Variants in MYO6 observed in about 807,000 individuals in gnomAD.
The protein encoded by MYO6 is myosin VI, also known as unconventional myosin-VI.
In MYO6, 74 loss-of-function variants were observed where a neutral mutation model predicts 178.7. The ratio of observed to expected loss-of-function variants is 0.41; its 90% CI spans 0.34 to 0.50. The LOEUF (loss-of-function observed/expected upper bound fraction) is 0.50, where lower values mean the gene tolerates loss of function less well. Ranked by LOEUF, MYO6 falls within the 20% of genes least tolerant of loss-of-function variation. MYO6 has a pLI of 0.09. For synonymous variants in MYO6, 477 were observed against 504.6 expected, an observed-to-expected ratio of 0.95 and a Z score of 0.73; for missense variants, 1,330 against 1,547.4, an observed-to-expected ratio of 0.86 and a Z score of 2.36.
intron 1 of MYO6, among the ~76,000 whole-genome samples, chr6:75,802,129 C>G (rs540904455): frequency 6.6e-6 from 1 of 152,010 alleles, no homozygotes; most frequent in African/African-American, 2.4e-5. Context: ...CAATACTAAG[C>G]GGAAGACAAA....
At position 75,890,207 on chromosome 6, in the gene MYO6, A is replaced by G. The variant is rs1778791834; in HGVS notation, c.2809A>G (p.Arg937Gly). 6.2e-7 allele frequency: 1 copy of G among 1,612,382 alleles called. No homozygotes were observed. The highest frequency in any genetic ancestry group is 8.5e-7 in the Non-Finnish European group (1 of 1,178,410). Reference protein sequence around the residue: ...RRIQEEMEKERKRREEDEKRR... With the variant: ...RRIQEEMEKEGKRREEDEKRR... Reference sequence around the variant, plus strand: ...TATTCAAGAAGAAATGGAAAAGGAAAGAAAAAGACGTGAAGAAGACGAAAA... The same window carrying G: ...TATTCAAGAAGAAATGGAAAAGGAAGGAAAAAGACGTGAAGAAGACGAAAA... Residue 937 changes from arginine to glycine, a missense_variant, in exon 26 of 35, where the codon AGA becomes GGA. Arg to Gly is a moderately radical substitution (Grantham distance 125). Coordinates refer to ENST00000369977, the MANE Select transcript of MYO6 (RefSeq NM_004999.4).
intron 1 of MYO6, among the ~76,000 whole-genome samples, chr6:75,750,323 C>T (rs1776757549): frequency 6.6e-6 from 1 of 152,046 alleles, no homozygotes; most frequent in Non-Finnish European, 1.5e-5. Context: ...TCTTGAAATC[C>T]TGACCTCTTG....
At chr6:75,783,855 G>A in intron 1 of MYO6, among the ~76,000 whole-genome samples, 1 of 152,176 alleles carries the variant, frequency 6.6e-6, no homozygotes, top group Non-Finnish European at 1.5e-5. Flanking sequence ...GTATTAGGAA[G>A]AGGTCAGATT....
At chr6:75,852,720 A>G (rs1211948746) in intron 11 of MYO6, among the ~76,000 whole-genome samples, 2 of 152,152 alleles carry the variant, frequency 1.3e-5, no homozygotes, top group Non-Finnish European at 2.9e-5. Flanking sequence ...CATTGTATGG[A>G]TATACTACAT....
chr6:75,840,403 C>T (rs113274351), intron 7 of MYO6, among the ~76,000 whole-genome samples, 182 bp from the exon 8 acceptor site: 3 of 152,052 alleles, frequency 2.0e-5, no homozygotes, highest in Non-Finnish European at 4.4e-5. Context: ...CCTCGTGATC[C>T]ACCTGCCTCG....
At chr6:75,802,641 T>G (rs1482982106) in intron 1 of MYO6, among the ~76,000 whole-genome samples, 1 of 151,766 alleles carries the variant, frequency 6.6e-6, no homozygotes, top group African/African-American at 2.4e-5. Flanking sequence ...ATGCACCACT[T>G]CACCCAGCTA....
At chr6:75,815,946 A>G (rs1366751504) in intron 1 of MYO6, among the ~76,000 whole-genome samples, 1 of 152,252 alleles carries the variant, frequency 6.6e-6, no homozygotes, top group Non-Finnish European at 1.5e-5. Flanking sequence ...TTTTAGTCTC[A>G]TAGCATCCAG....
intron 1 of MYO6, among the ~76,000 whole-genome samples, chr6:75,810,083 C>CAAAAAAAAAA (rs60265510): frequency 1.3e-5 from 1 of 76,998 alleles, no homozygotes; most frequent in African/African-American, 3.9e-5. Context: ...GACTCTGTCT[C>CAAAAAAAAAA]AAAAAAAAAA....
chr6:75,761,614 C>CACACACACA (rs1554190876), intron 1 of MYO6, among the ~76,000 whole-genome samples: 1 of 151,678 alleles, frequency 6.6e-6, no homozygotes, highest in Non-Finnish European at 1.5e-5. Flanking sequence ...CACACACACA[C>CACACACACA]ACACACACAC....
At chr6:75,753,455 G>GTGTGTGTA (rs370647728) in intron 1 of MYO6, among the ~76,000 whole-genome samples, 1 of 140,040 alleles carries the variant, frequency 7.1e-6, no homozygotes, top group African/African-American at 2.7e-5. Context: ...GTGTGTGTGT[G>GTGTGTGTA]TATATATATA....
intron 30 of MYO6, 129 bp from the exon 31 acceptor site, chr6:75,907,476 A>C (rs1320164021): frequency 6.9e-6 from 5 of 726,220 alleles, no homozygotes; most frequent in African/African-American, 1.8e-5. Flanking sequence ...CATCTGTCAA[A>C]GAAACAAAAA....
chr6:75,787,728 CTCTA>C (rs1241289974), intron 1 of MYO6, among the ~76,000 whole-genome samples: 18 of 16,378 alleles, frequency 1.1e-3, no homozygotes, highest in Non-Finnish European at 1.2e-3. Context: ...CTCTCTCTCT[CTCTA>C]TATATATATA....
At chr6:75,873,706 G>A (rs2149328768) in intron 20 of MYO6, among the ~76,000 whole-genome samples, 1 of 152,138 alleles carries the variant, frequency 6.6e-6, no homozygotes, top group East Asian at 1.9e-4. Context: ...TTCCTTAAGT[G>A]GGCAGCTTTC....
chr6:75,790,621 C>T (rs1221345629), intron 1 of MYO6, among the ~76,000 whole-genome samples: 1 of 152,240 alleles, frequency 6.6e-6, no homozygotes, highest in East Asian at 1.9e-4. Flanking sequence ...TCGAGTGATC[C>T]GCCTGCCTCG....
intron 1 of MYO6, among the ~76,000 whole-genome samples, chr6:75,810,926 G>A (rs1770634436): frequency 6.6e-6 from 1 of 152,184 alleles, no homozygotes; most frequent in African/African-American, 2.4e-5. Context: ...AGGATTGCCT[G>A]AGCCCAGGAG....
intron 1 of MYO6, among the ~76,000 whole-genome samples, chr6:75,764,204 C>G (rs1778198603): frequency 6.6e-6 from 1 of 152,174 alleles, no homozygotes. Flanking sequence ...GCCACCATGC[C>G]TGGTCTCTAA....
intron 1 of MYO6, among the ~76,000 whole-genome samples, chr6:75,813,525 C>T (rs774587734): frequency 1.6e-4 from 24 of 152,150 alleles, no homozygotes; most frequent in Non-Finnish European, 2.2e-4. Context: ...GCTCGTTAAC[C>T]CACTCTGGCT....
At chr6:75,788,380 A>G (rs1767889341) in intron 1 of MYO6, among the ~76,000 whole-genome samples, 1 of 152,098 alleles carries the variant, frequency 6.6e-6, no homozygotes. Flanking sequence ...ACAAAAAGTC[A>G]TTCCAGAACC....
At chr6:75,841,118 A>G in intron 8 of MYO6, 96 bp from the exon 9 acceptor site, 1 of 1,184,862 alleles carries the variant, frequency 8.4e-7, no homozygotes. Context: ...TTTGATAGAC[A>G]AATGGTATTA....
Sources: allele counts gnomAD v4.1 joint callset (sites outside exome capture counted in the v4.1 genomes callset), GRCh38; gene constraint gnomAD v4.1.1; transcripts MANE v1.5; gene names NCBI Gene and HGNC (gene_info 2026-07-23, HGNC 2026-07-21).